Variants in SSBP2 observed in about 807,000 individuals in gnomAD.
SSBP2 encodes the protein single-stranded DNA-binding protein 2.
A neutral mutation model predicts 61.8 loss-of-function variants in SSBP2; 17 were observed. The ratio of observed to expected loss-of-function variants is 0.28; its 90% CI spans 0.19 to 0.41. The LOEUF is 0.41. Ranked by LOEUF, SSBP2 falls within the 10% of genes least tolerant of loss-of-function variation. SSBP2 has a pLI of 1.00. For synonymous variants in SSBP2, 139 were observed against 141.3 expected, an observed-to-expected ratio of 0.98 and a Z score of 0.12; for missense variants, 310 against 458.7, an observed-to-expected ratio of 0.68 and a Z score of 2.96.
intron 4 of SSBP2, among the ~76,000 whole-genome samples, chr5:81,557,709 T>G (rs189027509): frequency 6.6e-6 from 1 of 152,240 alleles, no homozygotes; most frequent in African/African-American, 2.4e-5. Flanking sequence ...ATTCCATATT[T>G]CTACCTAACA....
intron 4 of SSBP2, among the ~76,000 whole-genome samples, chr5:81,553,848 C>G (rs1007381177): frequency 6.6e-6 from 1 of 151,992 alleles, no homozygotes; most frequent in African/African-American, 2.4e-5. Flanking sequence ...TTCTTACCAT[C>G]CTTTCCTACC....
intron 1 of SSBP2, among the ~76,000 whole-genome samples, chr5:81,747,515 AT>A (rs1757435153): frequency 6.6e-6 from 1 of 152,136 alleles, no homozygotes; most frequent in African/African-American, 2.4e-5. Flanking sequence ...AATAATAGTT[AT>A]TTTTGTTGTA....
At chr5:81,531,571 T>C (rs1770409715) in intron 4 of SSBP2, among the ~76,000 whole-genome samples, 1 of 151,984 alleles carries the variant, frequency 6.6e-6, no homozygotes, top group African/African-American at 2.4e-5. Flanking sequence ...CAGGCAAAAA[T>C]GGAATGCTTA....
At chr5:81,438,624 C>T (rs1036468002) in intron 14 of SSBP2, among the ~76,000 whole-genome samples, 6 of 151,904 alleles carry the variant, frequency 3.9e-5, no homozygotes, top group Middle Eastern at 3.2e-3. Context: ...ATAATATGTA[C>T]AGTAATGTTC....
chr5:81,489,113 C>T (rs537491223), intron 6 of SSBP2, 137 bp downstream of exon 6: 13 of 767,598 alleles, frequency 1.7e-5, no homozygotes, highest in Non-Finnish European at 2.7e-5. Flanking sequence ...AGTTTGCCAA[C>T]CCTTGAAGCA....
chr5:81,747,697 G>A (rs1018410544), intron 1 of SSBP2, among the ~76,000 whole-genome samples: 2 of 151,880 alleles, frequency 1.3e-5, no homozygotes, highest in Admixed American at 6.6e-5. Flanking sequence ...GGTATTAGAA[G>A]GCACCTTAAT....
At chr5:81,517,370 GTTT>G (rs199949045) in intron 4 of SSBP2, among the ~76,000 whole-genome samples, 3 of 122,080 alleles carry the variant, frequency 2.5e-5, no homozygotes, top group Non-Finnish European at 3.6e-5. Flanking sequence ...TAAATTTCAA[GTTT>G]TTTTTTTTTT....
intron 1 of SSBP2, among the ~76,000 whole-genome samples, chr5:81,732,284 T>C (rs939422304): frequency 6.6e-6 from 1 of 152,190 alleles, no homozygotes; most frequent in South Asian, 2.1e-4. Context: ...TGATCTATAA[T>C]ATGAATAAAT....
chr5:81,477,093 C>T (rs1176349166), intron 6 of SSBP2, among the ~76,000 whole-genome samples: 4 of 152,034 alleles, frequency 2.6e-5, no homozygotes, highest in African/African-American at 7.2e-5. Context: ...GTTCCAGGCT[C>T]ACCTCATACT....
intron 1 of SSBP2, among the ~76,000 whole-genome samples, chr5:81,692,265 G>GAAAAT (rs1294752065): frequency 1.3e-5 from 2 of 151,736 alleles, no homozygotes; most frequent in South Asian, 2.1e-4. Context: ...TATAATAACC[G>GAAAAT]AAAATAAAAT....
At chr5:81,546,785 A>G (rs76338198) in intron 4 of SSBP2, among the ~76,000 whole-genome samples, 2,560 of 152,184 alleles carry the variant, frequency 0.017, 71 homozygotes, top group African/African-American at 0.058. Flanking sequence ...TTTATTGATC[A>G]ATGATTTCTA....
In SSBP2 at chr5:81,501,212, AAT is replaced by A. The variant is rs1167504052; in HGVS notation, c.373-11905_373-11904del. Among the ~76,000 whole-genome samples the A allele has an allele frequency of 5.0e-3, 144 of 28,750 alleles. 1 individual carries two copies. The highest frequency in any genetic ancestry group is 7.4e-3 in the Admixed American group (12 of 1,616). 18.9% of individuals were successfully genotyped at this position (28,750 alleles called of 152,430 possible). Reference sequence around the variant, plus strand: ...GGTGACAGAGGGAGACTCCATCTCAAATATATATATATATATATATATATATA... The same window carrying A: ...GGTGACAGAGGGAGACTCCATCTCAAATATATATATATATATATATATATA... On this transcript the variant is annotated intron_variant, in intron 5 of 16. Coordinates refer to ENST00000320672, the MANE Select transcript of SSBP2 (RefSeq NM_012446.5).
intron 4 of SSBP2, among the ~76,000 whole-genome samples, chr5:81,525,875 T>C (rs192377988): frequency 1.3e-5 from 2 of 152,208 alleles, no homozygotes; most frequent in African/African-American, 2.4e-5. Flanking sequence ...CTTGTTCTGA[T>C]TGCATAAGCA....
rs115982544 is a variant in SSBP2, at chr5:81,509,547, T to C, written c.372+4081A>G. 4.1e-3 allele frequency among the ~76,000 whole-genome samples: 624 copies of C among 152,330 alleles called. 3 individuals are homozygous for C. The highest frequency in any genetic ancestry group is 0.014 in the African/African-American group (594 of 41,578). ...GATATTTAGGACACACTTGAGTCATTTGATCACATCATTATATGTACCAAA... is the reference window on the plus strand; with the variant it reads ...GATATTTAGGACACACTTGAGTCATCTGATCACATCATTATATGTACCAAA... On this transcript the variant is annotated intron_variant, in intron 5 of 16. Transcript: ENST00000320672.
intron 5 of SSBP2, among the ~76,000 whole-genome samples, chr5:81,491,494 T>C (rs1474406314): frequency 1.3e-5 from 2 of 152,132 alleles, no homozygotes; most frequent in Admixed American, 1.3e-4. Context: ...ATGGATGGCA[T>C]TGTGAATGAG....
chr5:81,636,360 C>T, intron 3 of SSBP2, 197 bp downstream of exon 3: 1 of 425,348 alleles, frequency 2.4e-6, no homozygotes, highest in South Asian at 9.5e-5. Flanking sequence ...GTTCCAATTC[C>T]AGTTGAACTC....
intron 3 of SSBP2, among the ~76,000 whole-genome samples, chr5:81,630,040 C>T (rs1477677364): frequency 6.6e-6 from 1 of 152,146 alleles, no homozygotes; most frequent in Admixed American, 6.5e-5. Context: ...AACAACAGAA[C>T]AATTCTAATT....
chr5:81,622,567 A>G (rs1398583747), intron 3 of SSBP2, among the ~76,000 whole-genome samples: 1 of 152,214 alleles, frequency 6.6e-6, no homozygotes, highest in Non-Finnish European at 1.5e-5. Flanking sequence ...TAAAATTTAT[A>G]CCATATATGC....
chr5:81,665,099 T>G (rs548045382), intron 1 of SSBP2, among the ~76,000 whole-genome samples: 1 of 152,172 alleles, frequency 6.6e-6, no homozygotes, highest in Admixed American at 6.6e-5. Context: ...CTGTAAAAAA[T>G]ATCAATGGTA....
Sources: allele counts gnomAD v4.1 joint callset (sites outside exome capture counted in the v4.1 genomes callset), GRCh38; gene constraint gnomAD v4.1.1; transcripts MANE v1.5; gene names NCBI Gene and HGNC (gene_info 2026-07-23, HGNC 2026-07-21).